Variants in SRPK2 observed in about 807,000 individuals in gnomAD.
SRPK2 encodes SFRS protein kinase 2.
SRPK2 carries 21 observed loss-of-function variants against 90.8 expected under a neutral mutation model. The ratio of observed to expected loss-of-function variants is 0.23; its 90% CI spans 0.16 to 0.33. The LOEUF (loss-of-function observed/expected upper bound fraction) is 0.33, where lower values mean the gene tolerates loss of function less well. SRPK2 is among the 10% of genes least tolerant of loss of function. The probability of loss-of-function intolerance (pLI) is 1.00; values close to 1 mark genes in which losing one functional copy is unlikely to be tolerated. For missense variants in SRPK2, 620 were observed against 869.0 expected, an observed-to-expected ratio of 0.71 and a Z score of 3.60; for synonymous variants, 288 against 311.1, an observed-to-expected ratio of 0.93 and a Z score of 0.78.
chr7:105,216,063 T>A (rs1359527874), intron 2 of SRPK2, among the ~76,000 whole-genome samples: 17 of 138,742 alleles, frequency 1.2e-4, no homozygotes, highest in Non-Finnish European at 9.2e-5. Context: ...CATGACCCCA[T>A]CTCTACAAAA....
At chr7:105,389,021 G>C (rs1198363114), upstream of SRPK2, 6 of 973,086 alleles carry the variant, frequency 6.2e-6, no homozygotes, top group East Asian at 1.2e-4. Context: ...CCCGGGGGTC[G>C]GGACCCCAGC....
intron 2 of SRPK2, among the ~76,000 whole-genome samples, chr7:105,341,357 C>CAAAAAAAAAAAAA (rs746893526): frequency 4.5e-5 from 3 of 66,760 alleles, no homozygotes; most frequent in African/African-American, 2.0e-4. Flanking sequence ...GACTCCGTCT[C>CAAAAAAAAAAAAA]AAAAAAAAAA....
Position 105,167,980 on chromosome 7 carries a change from A to G in SRPK2, c.426+28T>C, listed in dbSNP as rs768156031. On this transcript the variant is annotated intron_variant, in intron 5 of 15. Transcript: ENST00000393651. ...AAATTTTAAGTCATTAAGTTTTCTT[A>G]TATCATTCACATTTTTAAAGTACTT... 7.3e-6 allele frequency: 11 copies of G among 1,515,458 alleles called. No homozygotes were observed. In the South Asian group the frequency reaches 1.2e-4, roughly 17 times the overall value. The allele number at this position is 1,515,458 out of a possible 1,614,324, so 93.9% of individuals were successfully genotyped here. A position where few individuals can be genotyped will look rare whatever the true frequency, so the allele number is the denominator to read the frequency against.
At position 105,324,010 on chromosome 7, in the gene SRPK2, T is replaced by TGTGTGTGGGTGG. The variant is rs1554509975; in HGVS notation, c.71+64637_71+64638insCCACCCACACAC. Among the ~76,000 whole-genome samples the TGTGTGTGGGTGG allele has an allele frequency of 5.2e-4, 77 of 148,970 alleles. No homozygotes were observed. The East Asian group carries it at 0.012, about 23-fold the overall frequency. On this transcript the variant is annotated intron_variant, in intron 2 of 15. Coordinates refer to ENST00000393651, the MANE Select transcript of SRPK2 (RefSeq NM_182692.3). The stretch of plus-strand genomic sequence containing the variant: ...GTGTGTGTGTGTGTGTGTGTGTGTG[T>TGTGTGTGGGTGG]GTGTGTGGTGGAGTCTCACATTGTC...
At chr7:105,152,664 CAG>C (rs1158534156) in intron 7 of SRPK2, among the ~76,000 whole-genome samples, 5 of 152,184 alleles carry the variant, frequency 3.3e-5, no homozygotes, top group African/African-American at 4.8e-5. Context: ...CAAAATCTGA[CAG>C]AGTTAAGTCT....
intron 2 of SRPK2, among the ~76,000 whole-genome samples, chr7:105,313,577 C>A (rs1811970773): frequency 6.6e-6 from 1 of 151,952 alleles, no homozygotes; most frequent in South Asian, 2.1e-4. Context: ...CAGTGAAACC[C>A]CATCTCTACT....
At chr7:105,389,933 T>C (rs531893719), upstream of SRPK2, among the ~76,000 whole-genome samples, 2 of 152,360 alleles carry the variant, frequency 1.3e-5, no homozygotes, top group Non-Finnish European at 2.9e-5. Context: ...CGGGAAACTC[T>C]GCTTGGATTT....
rs998682045 is a variant in SRPK2, at chr7:105,232,152, A to G, written c.72-28367T>C. Among the ~76,000 whole-genome samples the G allele has an allele frequency of 3.3e-5, 5 of 152,230 alleles. No homozygotes were observed. In the East Asian group the frequency reaches 7.7e-4, roughly 23 times the overall value. On this transcript the variant is annotated intron_variant, in intron 2 of 15. Transcript: ENST00000393651. The stretch of plus-strand genomic sequence containing the variant: ...ATTCAAGGCATGAGCCACCACACCC[A>G]GACTAAAATTTATTTTTAAGATCAA...
intron 2 of SRPK2, among the ~76,000 whole-genome samples, chr7:105,382,235 C>A (rs1219550296): frequency 1.3e-5 from 2 of 150,046 alleles, no homozygotes; most frequent in East Asian, 4.1e-4. Flanking sequence ...TTAATCCACA[C>A]AATGGAATAC....
At chr7:105,135,028 C>T (rs1365707997) in intron 11 of SRPK2, among the ~76,000 whole-genome samples, 1 of 152,150 alleles carries the variant, frequency 6.6e-6, no homozygotes, top group Non-Finnish European at 1.5e-5. Flanking sequence ...TACACTGATT[C>T]ACCTGGGGCT....
chr7:105,383,052 AATTTTT>A (rs1181900732), intron 2 of SRPK2, among the ~76,000 whole-genome samples: 7 of 105,320 alleles, frequency 6.6e-5, no homozygotes, highest in East Asian at 3.2e-4. Flanking sequence ...CAAAAGTAAA[AATTTTT>A]TTTTTTTTTT....
At chr7:105,398,862 T>A (rs1277933560) in intron 1 of SRPK2, among the ~76,000 whole-genome samples, 1 of 152,196 alleles carries the variant, frequency 6.6e-6, no homozygotes, top group Non-Finnish European at 1.5e-5. Context: ...TCTCTGTGCC[T>A]TAACTGCCTG....
At chr7:105,315,696 TATAAC>T (rs1343018461) in intron 2 of SRPK2, among the ~76,000 whole-genome samples, 2 of 152,210 alleles carry the variant, frequency 1.3e-5, no homozygotes, top group African/African-American at 2.4e-5. Flanking sequence ...TAAAGTCACT[TATAAC>T]ATAATATCAA....
chr7:105,235,662 G>A (rs1480872198), intron 2 of SRPK2, among the ~76,000 whole-genome samples: 6 of 151,810 alleles, frequency 4.0e-5, no homozygotes, highest in Non-Finnish European at 1.5e-5. Context: ...ATCTATAAAA[G>A]GCATGAGAAA....
chr7:105,125,861 C>T (rs982567281), intron 15 of SRPK2: 21 of 1,304,056 alleles, frequency 1.6e-5, no homozygotes, highest in Non-Finnish European at 1.9e-5. Context: ...GTTCAATGAT[C>T]AATGCTATGT....
At chr7:105,275,267 T>C (rs182810490) in intron 2 of SRPK2, among the ~76,000 whole-genome samples, 1 of 152,352 alleles carries the variant, frequency 6.6e-6, no homozygotes, top group East Asian at 1.9e-4. Flanking sequence ...ATTTCAATCT[T>C]ATTTTAAATC....
chr7:105,230,269 T>C (rs1799261929), intron 2 of SRPK2, among the ~76,000 whole-genome samples: 1 of 152,088 alleles, frequency 6.6e-6, no homozygotes, highest in South Asian at 2.1e-4. Flanking sequence ...CTGGAACATT[T>C]CAGGTAGAGG....
chr7:105,195,204 C>T (rs1383442318), intron 3 of SRPK2, among the ~76,000 whole-genome samples: 1 of 152,162 alleles, frequency 6.6e-6, no homozygotes, highest in African/African-American at 2.4e-5. Context: ...CGCGTGCCAC[C>T]GTGCCCGGCT....
chr7:105,395,738 C>T (rs1308934609), intron 1 of SRPK2, among the ~76,000 whole-genome samples: 1 of 149,576 alleles, frequency 6.7e-6, no homozygotes, highest in African/African-American at 2.5e-5. Context: ...TCTCCCAAAA[C>T]AAAAAAAAAG....
Sources: allele counts gnomAD v4.1 joint callset (sites outside exome capture counted in the v4.1 genomes callset), GRCh38; gene constraint gnomAD v4.1.1; transcripts MANE v1.5; gene names NCBI Gene and HGNC (gene_info 2026-07-23, HGNC 2026-07-21).